TGFBR1: variants seen among roughly 807,000 people sequenced by gnomAD.
The protein encoded by TGFBR1 is TGF-beta receptor type-1.
In TGFBR1, 20 loss-of-function variants were observed where a neutral mutation model predicts 55.1. The ratio of observed to expected loss-of-function variants is 0.36; its 90% CI spans 0.26 to 0.53. The LOEUF is 0.53. Among genes scored for constraint, TGFBR1 ranks in the 20% least tolerant of loss-of-function variants. The pLI is 0.91. For synonymous variants in TGFBR1, 220 were observed against 214.8 expected (o/e 1.02, Z -0.21); for missense variants, 385 against 617.6 (o/e 0.62, Z 3.99).
intron 3 of TGFBR1, among the ~76,000 whole-genome samples, chr9:99,136,000 G>A (rs1827428354): frequency 6.6e-6 from 1 of 151,842 alleles, no homozygotes; most frequent in African/African-American, 2.4e-5. Context: ...GATTACAGGT[G>A]TGCACCACCA....
intron 1 of TGFBR1, among the ~76,000 whole-genome samples, chr9:99,107,129 A>T (rs1007342323): frequency 6.6e-6 from 1 of 152,234 alleles, no homozygotes; most frequent in African/African-American, 2.4e-5. Context: ...GGAGGAGTTT[A>T]CAGTCTCCAT....
chr9:99,148,551 G>T (rs948658137), intron 8 of TGFBR1, among the ~76,000 whole-genome samples: 1 of 152,130 alleles, frequency 6.6e-6, no homozygotes, highest in Non-Finnish European at 1.5e-5. Flanking sequence ...TTAAACTATT[G>T]TAGGACTCAG....
rs1229595502 is a variant in TGFBR1 at position 99,151,640 on chromosome 9, C to T, written c.*2335C>T. On this transcript the variant is annotated 3_prime_UTR_variant, in exon 9 of 9. Coordinates refer to ENST00000374994, the MANE Select transcript of TGFBR1 (RefSeq NM_004612.4). ...TGAGTTACAATTATACTTTTCTTAC[C>T]TAAGTGGATAAAATGTACTTTTGAT... 8.7e-6 allele frequency: 2 copies of T among 228,632 alleles called. No individual in the cohort carries two copies. The highest frequency in any genetic ancestry group is 1.3e-4 in the East Asian group (2 of 15,864). The allele number at this position is 228,632 out of a possible 1,614,324, so 14.2% of individuals were successfully genotyped here. A position where few individuals can be genotyped will look rare whatever the true frequency, so the allele number is the denominator to read the frequency against.
chr9:99,128,526 C>G, intron 1 of TGFBR1: 2 of 315,450 alleles, frequency 6.3e-6, no homozygotes, highest in Non-Finnish European at 1.2e-5. Context: ...TTTAAATGTA[C>G]TTTGTTTCTA....
chr9:99,142,428 T>A, intron 4 of TGFBR1, 108 bp from the exon 5 acceptor site: 1 of 1,185,658 alleles, frequency 8.4e-7, no homozygotes, highest in East Asian at 2.4e-5. Flanking sequence ...TAAGGTGGCA[T>A]TATATTGCAG....
chr9:99,105,292 G>A lies in TGFBR1; in HGVS notation c.87G>A (p.Pro29=). ...CGGCGGCGGCGGCGGCGCTGCTCCC[G>A]GGGGCGACGGGTGAGCGGCGGCGCG... ...AAAAAAAALL[P]GATALQCFCH... The change falls in exon 1 of 9, where the codon CCG becomes CCA. Residue 29 remains proline, a synonymous_variant. Coordinates refer to ENST00000374994, the MANE Select transcript of TGFBR1 (RefSeq NM_004612.4). The A allele has an allele frequency of 2.0e-6, 2 of 991,990 alleles. No individual in the cohort carries two copies. The highest frequency in any genetic ancestry group is 2.4e-6 in the Non-Finnish European group (2 of 836,068). The allele number at this position is 991,990 out of a possible 1,614,324, so 61.4% of individuals were successfully genotyped here.
At chr9:99,123,261 T>A (rs1303934174) in intron 1 of TGFBR1, among the ~76,000 whole-genome samples, 6 of 152,164 alleles carry the variant, frequency 3.9e-5, no homozygotes, top group African/African-American at 1.2e-4. Context: ...AGTTTTCTTT[T>A]TACTTTGATT....
chr9:99,146,027 G>T (rs989567230), intron 6 of TGFBR1: 83 of 263,478 alleles, frequency 3.2e-4, no homozygotes, highest in African/African-American at 1.8e-3. Context: ...GTCTCTGTGG[G>T]TCCTGACCCA....
At chr9:99,105,822 C>T (rs972071220) in intron 1 of TGFBR1, among the ~76,000 whole-genome samples, 2 of 152,164 alleles carry the variant, frequency 1.3e-5, no homozygotes, top group East Asian at 1.9e-4. Flanking sequence ...GTGTGAGCTC[C>T]GAGCCTCTAG....
At chr9:99,115,658 T>C (rs1015431759) in intron 1 of TGFBR1, among the ~76,000 whole-genome samples, 23 of 152,200 alleles carry the variant, frequency 1.5e-4, no homozygotes, top group African/African-American at 4.6e-4. Flanking sequence ...AACTATAATG[T>C]GCTCTAATTG....
At chr9:99,112,654 G>A (rs911309165) in intron 1 of TGFBR1, among the ~76,000 whole-genome samples, 1 of 152,138 alleles carries the variant, frequency 6.6e-6, no homozygotes. Context: ...TAAAGAGGTG[G>A]AGTACAGAAA....
intron 5 of TGFBR1, among the ~76,000 whole-genome samples, chr9:99,143,944 T>C (rs1458733378): frequency 6.6e-6 from 1 of 152,240 alleles, no homozygotes; most frequent in African/African-American, 2.4e-5. Context: ...TAGCATGTTT[T>C]CAAGGTTCAT....
intron 1 of TGFBR1, among the ~76,000 whole-genome samples, chr9:99,121,123 G>A (rs903309258): frequency 3.9e-5 from 6 of 152,164 alleles, no homozygotes; most frequent in Admixed American, 6.5e-5. Flanking sequence ...AGTGGCAGAA[G>A]TAAATGGAAT....
intron 1 of TGFBR1, among the ~76,000 whole-genome samples, chr9:99,121,915 G>A (rs1826908658): frequency 6.6e-6 from 1 of 152,058 alleles, no homozygotes; most frequent in East Asian, 1.9e-4. Context: ...TACAAGCTTG[G>A]AGCACAGGTA....
rs923536988 is a variant in TGFBR1, at chr9:99,150,385, A to AT, written c.*1087dup. On this transcript the variant is annotated 3_prime_UTR_variant, in exon 9 of 9. Transcript: ENST00000374994. The stretch of plus-strand genomic sequence containing the variant: ...AAAGTTATGTGGTATTCTGTAAGCC[A>AT]TTTTTTTCTTTATCTGTTCAAAGAC... 4.8e-6 allele frequency: 1 copy of AT among 209,840 alleles called. No homozygotes were observed. The highest frequency in any genetic ancestry group is 9.7e-6 in the Non-Finnish European group (1 of 102,904). The allele number at this position is 209,840 out of a possible 1,614,324, so 13.0% of individuals were successfully genotyped here.
intron 4 of TGFBR1, among the ~76,000 whole-genome samples, chr9:99,139,016 T>TC (rs1207326653): frequency 6.6e-6 from 1 of 152,130 alleles, no homozygotes; most frequent in East Asian, 1.9e-4. Flanking sequence ...CAGGTTGGCC[T>TC]CCATCTCTTG....
intron 6 of TGFBR1, 97 bp from the exon 7 acceptor site, chr9:99,146,388 C>CAT: frequency 7.4e-7 from 1 of 1,356,592 alleles, no homozygotes; most frequent in South Asian, 1.2e-5. Context: ...ATATTGTGTA[C>CAT]ATATGTCTAT....
At chr9:99,116,262 A>C (rs934942468) in intron 1 of TGFBR1, among the ~76,000 whole-genome samples, 2 of 151,972 alleles carry the variant, frequency 1.3e-5, no homozygotes, top group Non-Finnish European at 2.9e-5. Context: ...CTCTTGCCTT[A>C]CCATGGGAGA....
At chr9:99,139,976 G>A (rs906927261) in intron 4 of TGFBR1, among the ~76,000 whole-genome samples, 1 of 152,190 alleles carries the variant, frequency 6.6e-6, no homozygotes, top group African/African-American at 2.4e-5. Flanking sequence ...GTTAGATTTA[G>A]AAGCTAAACC....
Sources: gnomAD v4.1 joint callset for allele counts (sites outside exome capture counted in the v4.1 genomes callset) on GRCh38, gnomAD v4.1.1 for gene constraint, MANE v1.5 for transcripts, NCBI Gene and HGNC (gene_info 2026-07-23, HGNC 2026-07-21) for gene names.